YOD1: variants seen among roughly 807,000 people sequenced by gnomAD.
The protein encoded by YOD1 is YOD1 deubiquitinase.
A neutral mutation model predicts 23.7 loss-of-function variants in YOD1; 17 were observed. The ratio of observed to expected loss-of-function variants is 0.72; its 90% CI spans 0.49 to 1.07. The LOEUF is 1.07. Ranked by LOEUF, YOD1 falls within the 50% of genes least tolerant of loss-of-function variation. The pLI is 0.00. For synonymous variants in YOD1, 191 were observed against 169.6 expected (o/e 1.13, Z -0.98); for missense variants, 413 against 447.2 (o/e 0.92, Z 0.69).
In YOD1 at chr1:207,049,353, T is replaced by C; in HGVS notation, c.714A>G (p.Val238=). ...LSKFYQCEIC[V]VDTQTVRIDR... Reference sequence around the variant, plus strand: ...CAATTCTTACTGTCTGTGTATCCACTACACATATTTCACATTGGTAAAACT... The same window carrying C: ...CAATTCTTACTGTCTGTGTATCCACCACACATATTTCACATTGGTAAAACT... Residue 238 remains valine, a synonymous_variant, in exon 2 of 2, where the codon GTA becomes GTG. Coordinates refer to ENST00000315927, the MANE Select transcript of YOD1 (RefSeq NM_018566.4). 3 of 1,614,206 alleles carry C rather than the reference T, an allele frequency of 1.9e-6. No homozygotes were observed. Among genetic ancestry groups the C allele is most frequent in the East Asian group, 4.5e-5 (2 of 44,878 alleles).
In YOD1 at chr1:207,044,235, GT is replaced by G. The variant is rs941859062; in HGVS notation, c.*4784del. ...TTAATACAGAAACTATAGGAATATTGTTGTTCTCTAACCCTTTTCACAAACT... is the reference window on the plus strand; with the variant it reads ...TTAATACAGAAACTATAGGAATATTGTGTTCTCTAACCCTTTTCACAAACT... On this transcript the variant is annotated 3_prime_UTR_variant, in exon 2 of 2. Transcript: ENST00000315927. 2 of 152,464 alleles carry G rather than the reference GT, an allele frequency of 1.3e-5. No homozygotes were observed. The highest frequency in any genetic ancestry group is 4.8e-5 in the African/African-American group (2 of 41,412). 9.4% of individuals were successfully genotyped at this position (152,464 alleles called of 1,614,324 possible). A position where few individuals can be genotyped will look rare whatever the true frequency, so the allele number is the denominator to read the frequency against.
upstream of YOD1, chr1:207,053,010 C>G (rs1005900123): frequency 6.6e-6 from 1 of 152,234 alleles, no homozygotes. Flanking sequence ...AAAAGTCAAG[C>G]TTTTTATTAA....
Position 207,049,323 on chromosome 1 carries a change from A to C in YOD1, c.744T>G (p.Arg248=), listed in dbSNP as rs767288976. 1.2e-6 allele frequency: 2 copies of C among 1,614,104 alleles called. No individual in the cohort carries two copies. The change falls in exon 2 of 2, where the codon CGT becomes CGG. Residue 248 remains arginine (R), a synonymous_variant. Coordinates refer to ENST00000315927, the MANE Select transcript of YOD1 (RefSeq NM_018566.4). The part of the protein sequence containing the change: ...VVDTQTVRID[R]FGEDAGYTKR... ...TGGTATATCCTGCATCTTCCCCAAA[A>C]CGATCAATTCTTACTGTCTGTGTAT...
chr1:207,048,699 C>T lies in YOD1; in HGVS notation c.*321G>A, dbSNP rs1214499439. ...ACCCAAAATGTGATGCTTTCTTCTACAAGTTAAAGCTGCTGGGTGCTAGTT... is the reference window on the plus strand; with the variant it reads ...ACCCAAAATGTGATGCTTTCTTCTATAAGTTAAAGCTGCTGGGTGCTAGTT... On this transcript the variant is annotated 3_prime_UTR_variant, in exon 2 of 2. Coordinates refer to ENST00000315927, the MANE Select transcript of YOD1 (RefSeq NM_018566.4). The T allele has an allele frequency of 8.0e-6, 2 of 249,468 alleles. No individual in the cohort carries two copies. The highest frequency in any genetic ancestry group is 4.5e-5 in the African/African-American group (2 of 44,260). 15.5% of individuals were successfully genotyped at this position (249,468 alleles called of 1,614,324 possible).
At chr1:207,050,636 G>A in intron 1 of YOD1, 52 bp downstream of exon 1, 10 of 1,601,618 alleles carry the variant, frequency 6.2e-6, no homozygotes, top group Non-Finnish European at 7.6e-6. Flanking sequence ...TCTCTCTCAC[G>A]CCCCTCTCCA....
At position 207,049,606 on chromosome 1, in the gene YOD1, A is replaced by G. The variant is rs1396690912; in HGVS notation, c.461T>C (p.Val154Ala). 1 of 1,614,082 alleles carries G rather than the reference A, an allele frequency of 6.2e-7. No individual in the cohort carries two copies. Among genetic ancestry groups the G allele is most frequent in the African/African-American group, 1.3e-5 (1 of 74,914 alleles). The change falls in exon 2 of 2, where the codon GTC (valine) becomes GCC (alanine). Residue 154 changes from valine to alanine, a missense_variant. Coordinates refer to ENST00000315927, the MANE Select transcript of YOD1 (RefSeq NM_018566.4). The part of the protein sequence containing the change: ...ETLPVLTRTV[V>A]PADNSCLFTS... The stretch of plus-strand genomic sequence containing the variant: ...AAAGAGGCAAGAGTTGTCTGCTGGG[A>G]CCACGGTTCTGGTAAGCACAGGCAA...
Position 207,046,334 on chromosome 1 carries a change from C to T in YOD1, c.*2686G>A, listed in dbSNP as rs1572708180. On this transcript the variant is annotated 3_prime_UTR_variant, in exon 2 of 2. Coordinates refer to ENST00000315927, the MANE Select transcript of YOD1 (RefSeq NM_018566.4). ...TCAAAATTCCCAAGATGAGAATTTA[C>T]TCCCTTTAATAACTAATTCCAAGAG... is the stretch of plus-strand genomic sequence containing the variant. The T allele has an allele frequency of 6.6e-6, 1 of 152,014 alleles. No homozygotes were observed. The highest frequency in any genetic ancestry group is 1.9e-4 in the East Asian group (1 of 5,196). The allele number at this position is 152,014 out of a possible 1,614,324, so 9.4% of individuals were successfully genotyped here. A position where few individuals can be genotyped will look rare whatever the true frequency, so the allele number is the denominator to read the frequency against.
At chr1:207,050,366 G>C (rs1006002348) in intron 1 of YOD1, among the ~76,000 whole-genome samples, 1 of 152,146 alleles carries the variant, frequency 6.6e-6, no homozygotes, top group South Asian at 2.1e-4. Context: ...CATAAGGACA[G>C]AGAAAATAGG....
chr1:207,052,098 C>T, upstream of YOD1: 3 of 1,129,316 alleles, frequency 2.7e-6, no homozygotes, highest in South Asian at 3.9e-5. Context: ...GACAGCAAGT[C>T]CCACTTGCCA....
chr1:207,052,096 G>T, upstream of YOD1: 1 of 1,100,754 alleles, frequency 9.1e-7, no homozygotes, highest in South Asian at 1.3e-5. Flanking sequence ...CAGACAGCAA[G>T]TCCCACTTGC....
In YOD1 at chr1:207,049,667, T is replaced by C; in HGVS notation, c.400A>G (p.Thr134Ala). ...QTRPRSSPAFTKRGASSYVRE... is the reference protein window; with the variant it reads ...QTRPRSSPAFAKRGASSYVRE... ...ACGTAACTAGAAGCACCACGTTTAG[T>C]AAATGCAGGTGAACTTCTGGGCCTG... Residue 134 changes from threonine to alanine, a missense_variant, in exon 2 of 2, where the codon ACT (threonine) becomes GCT (alanine). Coordinates refer to ENST00000315927, the MANE Select transcript of YOD1 (RefSeq NM_018566.4). The C allele has an allele frequency of 6.2e-7, 1 of 1,614,178 alleles. No individual in the cohort carries two copies. The highest frequency in any genetic ancestry group is 8.5e-7 in the Non-Finnish European group (1 of 1,180,042).
Position 207,049,171 on chromosome 1 carries a change from T to C in YOD1, c.896A>G (p.Glu299Gly). The C allele has an allele frequency of 6.2e-7, 1 of 1,614,020 alleles. No homozygotes were observed. The highest frequency in any genetic ancestry group is 1.1e-5 in the South Asian group (1 of 91,062). The change falls in exon 2 of 2, where the codon GAA (glutamate) becomes GGA (glycine). Residue 299 changes from glutamate to glycine, a missense_variant. Transcript: ENST00000315927. ...NDDIVLVQAL[E>G]LADEARRRRQ... ...CCTTCTTCTAGCTTCATCTGCTAATTCCAGTGCTTGTACAAGAACAATATC... is the reference window on the plus strand; with the variant it reads ...CCTTCTTCTAGCTTCATCTGCTAATCCCAGTGCTTGTACAAGAACAATATC...
chr1:207,051,139 A>T lies in YOD1; in HGVS notation c.-109T>A. 1 of 1,418,690 alleles carries T rather than the reference A, an allele frequency of 7.0e-7. No homozygotes were observed. The highest frequency in any genetic ancestry group is 9.2e-7 in the Non-Finnish European group (1 of 1,091,740). 87.9% of individuals were successfully genotyped at this position (1,418,690 alleles called of 1,614,324 possible). On this transcript the variant is annotated 5_prime_UTR_variant, in exon 1 of 2. Coordinates refer to ENST00000315927, the MANE Select transcript of YOD1 (RefSeq NM_018566.4). ...TAAAGTGACAACTGATTTTTCCCCC[A>T]CCCTCAGAACGAAGATGTAAACCTC... is the stretch of plus-strand genomic sequence containing the variant.
Position 207,048,444 on chromosome 1 carries a change from A to C in YOD1, c.*576T>G, listed in dbSNP as rs1377268529. The stretch of plus-strand genomic sequence containing the variant: ...AAAATCAGTTTGGACAATTCTGAGT[A>C]TCTTCATTTGATGAATCAATTCATA... On this transcript the variant is annotated 3_prime_UTR_variant, in exon 2 of 2. Coordinates refer to ENST00000315927, the MANE Select transcript of YOD1 (RefSeq NM_018566.4). 1 of 154,032 alleles carries C rather than the reference A, an allele frequency of 6.5e-6. No individual in the cohort carries two copies. Among genetic ancestry groups the C allele is most frequent in the Non-Finnish European group, 1.4e-5 (1 of 69,052 alleles). The allele number at this position is 154,032 out of a possible 1,614,324, so 9.5% of individuals were successfully genotyped here. A position where few individuals can be genotyped will look rare whatever the true frequency, so the allele number is the denominator to read the frequency against.
Position 207,049,079 on chromosome 1 carries a change from G to A in YOD1, c.988C>T (p.Gln330Ter). ...CMVCQKGLTGQAEAREHAKET... is the reference protein window; with the variant it reads ...CMVCQKGLTG ...TTGGCATGTTCCCTTGCTTCTGCTT[G>A]TCCAGTTAATCCTTTCTGACATACC... The change falls in exon 2 of 2, where the codon CAA becomes TAA. Residue 330 changes from glutamine to a stop codon, truncating the protein, a stop_gained. Coordinates refer to ENST00000315927, the MANE Select transcript of YOD1 (RefSeq NM_018566.4). LOFTEE classifies it high-confidence loss of function. The A allele has an allele frequency of 6.2e-7, 1 of 1,613,910 alleles. No individual in the cohort carries two copies. The highest frequency in any genetic ancestry group is 8.5e-7 in the Non-Finnish European group (1 of 1,180,016).
rs1338715863 is a variant in YOD1 at position 207,048,839 on chromosome 1, C to T, written c.*181G>A. ...ACAGTTTACCACTGTAGACACACAT[C>T]TGTAAACTTGCACACTAATTTTAAT... is the stretch of plus-strand genomic sequence containing the variant. On this transcript the variant is annotated 3_prime_UTR_variant, in exon 2 of 2. Transcript: ENST00000315927. 4 of 619,374 alleles carry T rather than the reference C, an allele frequency of 6.5e-6. No individual in the cohort carries two copies. The highest frequency in any genetic ancestry group is 2.8e-5 in the East Asian group (1 of 35,944). 38.4% of individuals were successfully genotyped at this position (619,374 alleles called of 1,614,324 possible). A position where few individuals can be genotyped will look rare whatever the true frequency, so the allele number is the denominator to read the frequency against.
At chr1:207,050,154 T>A (rs1417250500) in intron 1 of YOD1, among the ~76,000 whole-genome samples, 2 of 152,214 alleles carry the variant, frequency 1.3e-5, no homozygotes, top group South Asian at 2.1e-4. Context: ...TTATAAACAC[T>A]GATGTTCAAG....
chr1:207,051,107 ACT>A lies in YOD1; in HGVS notation c.-79_-78del. On this transcript the variant is annotated 5_prime_UTR_variant, in exon 1 of 2. Transcript: ENST00000315927. ...TGCCTTAGTACCTTAGCAAGCGCGA[ACT>A]CTTTTAAAGTGACAACTGATTTTTC... The A allele has an allele frequency of 1.4e-6, 2 of 1,432,576 alleles. No individual in the cohort carries two copies. Among genetic ancestry groups the A allele is most frequent in the Non-Finnish European group, 1.8e-6 (2 of 1,097,962 alleles). The allele number at this position is 1,432,576 out of a possible 1,614,324, so 88.7% of individuals were successfully genotyped here.
In YOD1 at chr1:207,044,744, G is replaced by A. The variant is rs1682553034; in HGVS notation, c.*4276C>T. 1.3e-5 allele frequency: 2 copies of A among 152,572 alleles called. No homozygotes were observed. The highest frequency in any genetic ancestry group is 4.1e-4 in the South Asian group (2 of 4,824). The allele number at this position is 152,572 out of a possible 1,614,324, so 9.5% of individuals were successfully genotyped here. ...TTGCTTTAAAAATGTTTGGAAAAGGGTAATTCATGACTAGGAATGCATCTA... is the reference window on the plus strand; with the variant it reads ...TTGCTTTAAAAATGTTTGGAAAAGGATAATTCATGACTAGGAATGCATCTA... On this transcript the variant is annotated 3_prime_UTR_variant, in exon 2 of 2. Transcript: ENST00000315927.
Sources: gnomAD v4.1 joint callset for allele counts (sites outside exome capture counted in the v4.1 genomes callset) on GRCh38, gnomAD v4.1.1 for gene constraint, MANE v1.5 for transcripts, NCBI Gene and HGNC (gene_info 2026-07-23, HGNC 2026-07-21) for gene names.